PCSK2: variants seen among roughly 807,000 people sequenced by gnomAD.
The protein encoded by PCSK2 is proprotein convertase subtilisin/kexin type 2, also known as neuroendocrine convertase 2.
A neutral mutation model predicts 69.7 loss-of-function variants in PCSK2; 14 were observed. The observed-to-expected ratio is 0.20, with a 90% confidence interval of 0.13 to 0.31. The LOEUF is 0.31. Ranked by LOEUF, PCSK2 falls within the 10% of genes least tolerant of loss-of-function variation. The pLI is 1.00. For synonymous variants in PCSK2, 307 were observed against 320.7 expected (o/e 0.96, Z 0.46); for missense variants, 544 against 842.5 (o/e 0.65, Z 4.39).
intron 2 of PCSK2, among the ~76,000 whole-genome samples, chr20:17,272,957 T>G (rs535991931): frequency 6.6e-6 from 1 of 152,180 alleles, no homozygotes; most frequent in South Asian, 2.1e-4. Context: ...GACCAACATG[T>G]TTTCAATCCA....
chr20:17,233,291 A>G (rs1017212560), intron 1 of PCSK2, among the ~76,000 whole-genome samples: 2 of 152,206 alleles, frequency 1.3e-5, no homozygotes, highest in Non-Finnish European at 1.5e-5. Flanking sequence ...TAGTTAGTGC[A>G]TGTAAAGTTC....
At chr20:17,338,925 C>T (rs909968220) in intron 2 of PCSK2, among the ~76,000 whole-genome samples, 3 of 152,160 alleles carry the variant, frequency 2.0e-5, no homozygotes, top group African/African-American at 4.8e-5. Context: ...CCTTAAAATT[C>T]AAGATAGAAC....
chr20:17,467,054 G>A (rs931551918), intron 11 of PCSK2, among the ~76,000 whole-genome samples: 7 of 152,128 alleles, frequency 4.6e-5, no homozygotes, highest in Non-Finnish European at 4.4e-5. Flanking sequence ...TCATATTTCC[G>A]AGGACCATCG....
chr20:17,227,532 G>T, intron 1 of PCSK2, 50 bp downstream of exon 1: 5 of 1,454,008 alleles, frequency 3.4e-6, no homozygotes, highest in Non-Finnish European at 3.8e-6. Context: ...GGGGGACGGG[G>T]GGGCAGCCCT....
chr20:17,466,816 G>A (rs149672717), intron 11 of PCSK2, among the ~76,000 whole-genome samples: 284 of 152,200 alleles, frequency 1.9e-3, no homozygotes, highest in African/African-American at 6.6e-3. Context: ...CTTCCAGCTC[G>A]TCCACACGCT....
chr20:17,260,584 A>C (rs1358992142), intron 2 of PCSK2, among the ~76,000 whole-genome samples: 1 of 152,136 alleles, frequency 6.6e-6, no homozygotes, highest in African/African-American at 2.4e-5. Context: ...CCACCCTTTT[A>C]CTGGCTATCT....
chr20:17,347,508 A>G (rs1293771028), intron 2 of PCSK2, among the ~76,000 whole-genome samples: 1 of 152,118 alleles, frequency 6.6e-6, no homozygotes, highest in Non-Finnish European at 1.5e-5. Flanking sequence ...AGCTGTGTCC[A>G]GCTCATCAAT....
intron 11 of PCSK2, among the ~76,000 whole-genome samples, chr20:17,475,172 C>T (rs905741026): frequency 5.9e-5 from 9 of 151,870 alleles, no homozygotes; most frequent in East Asian, 1.9e-4. Context: ...GGAGCATCAA[C>T]GCCACCACAC....
chr20:17,373,294 A>G (rs1344763696), intron 5 of PCSK2, among the ~76,000 whole-genome samples: 1 of 152,188 alleles, frequency 6.6e-6, no homozygotes, highest in African/African-American at 2.4e-5. Context: ...CAGCTCTGGG[A>G]GACAGCATAG....
At chr20:17,418,550 G>A (rs527973887) in intron 6 of PCSK2, among the ~76,000 whole-genome samples, 1 of 152,304 alleles carries the variant, frequency 6.6e-6, no homozygotes, top group African/African-American at 2.4e-5. Flanking sequence ...GTTGCTAGGA[G>A]AAAGAAATAA....
intron 2 of PCSK2, among the ~76,000 whole-genome samples, chr20:17,300,924 G>A (rs1431735670): frequency 6.6e-6 from 1 of 152,146 alleles, no homozygotes; most frequent in East Asian, 1.9e-4. Context: ...TTTAGGAGAG[G>A]CATAATTTCC....
chr20:17,280,197 C>T (rs1162467512), intron 2 of PCSK2, among the ~76,000 whole-genome samples: 1 of 152,086 alleles, frequency 6.6e-6, no homozygotes, highest in African/African-American at 2.4e-5. Flanking sequence ...TTTGCAAATT[C>T]CTTTCTTCCA....
chr20:17,291,584 T>A (rs1375117038), intron 2 of PCSK2, among the ~76,000 whole-genome samples: 1 of 152,104 alleles, frequency 6.6e-6, no homozygotes, highest in Non-Finnish European at 1.5e-5. Flanking sequence ...CAGCAAAGGG[T>A]ATATATATTT....
chr20:17,454,583 A>C (rs2032884450), intron 9 of PCSK2, among the ~76,000 whole-genome samples: 1 of 152,206 alleles, frequency 6.6e-6, no homozygotes. Flanking sequence ...ACTAGGTATA[A>C]TGGTGAATTT....
At chr20:17,455,992 T>C (rs1271546483) in intron 9 of PCSK2, among the ~76,000 whole-genome samples, 2 of 152,156 alleles carry the variant, frequency 1.3e-5, no homozygotes, top group Non-Finnish European at 2.9e-5. Flanking sequence ...ATGCCTGTAA[T>C]CCTTTGGAAG....
At chr20:17,477,333 A>AT (rs148889905) in intron 11 of PCSK2, among the ~76,000 whole-genome samples, 71 of 150,330 alleles carry the variant, frequency 4.7e-4, no homozygotes, top group African/African-American at 1.3e-3. Context: ...ATTTTATTTT[A>AT]TTTATTTATT....
chr20:17,287,071 C>T (rs987288466), intron 2 of PCSK2, among the ~76,000 whole-genome samples: 3 of 152,114 alleles, frequency 2.0e-5, no homozygotes, highest in Admixed American at 6.5e-5. Flanking sequence ...GTCTTTTCTC[C>T]TAAAACCATA....
At chr20:17,368,871 T>C (rs1389018544) in intron 4 of PCSK2, among the ~76,000 whole-genome samples, 1 of 152,264 alleles carries the variant, frequency 6.6e-6, no homozygotes, top group Non-Finnish European at 1.5e-5. Flanking sequence ...TTGCTGTCCA[T>C]GCCCTGTTAA....
At chr20:17,229,711 A>G (rs1986076253) in intron 1 of PCSK2, among the ~76,000 whole-genome samples, 1 of 151,774 alleles carries the variant, frequency 6.6e-6, no homozygotes, top group Admixed American at 6.6e-5. Flanking sequence ...CCCCTTTTAC[A>G]CGTTTAAGTA....
Sources: allele counts gnomAD v4.1 joint callset (sites outside exome capture counted in the v4.1 genomes callset), GRCh38; gene constraint gnomAD v4.1.1; transcripts MANE v1.5; gene names NCBI Gene and HGNC (gene_info 2026-07-23, HGNC 2026-07-21).